Variants in PTPRT observed in about 807,000 individuals in gnomAD.
PTPRT encodes the protein protein tyrosine phosphatase receptor type T.
Under a neutral mutation model 176.8 loss-of-function variants are expected in PTPRT, and 56 were observed. The observed-to-expected ratio is 0.32, with a 90% CI of 0.26 to 0.40. The LOEUF is 0.40. Among genes scored for constraint, PTPRT ranks in the 10% least tolerant of loss-of-function variants. The pLI is 1.00. For missense variants in PTPRT, 1,540 were observed against 1,908.2 expected (o/e 0.81, Z 3.60); for synonymous variants, 783 against 739.0 (o/e 1.06, Z -0.96).
chr20:42,883,393 A>T (rs999941914), intron 2 of PTPRT, among the ~76,000 whole-genome samples: 9 of 152,030 alleles, frequency 5.9e-5, no homozygotes, highest in Non-Finnish European at 1.3e-4. Flanking sequence ...AAAAGTGGGT[A>T]AGAGAGAGAA....
chr20:42,126,332 A>G (rs577923138), intron 19 of PTPRT, among the ~76,000 whole-genome samples: 6 of 152,114 alleles, frequency 3.9e-5, no homozygotes, highest in African/African-American at 1.4e-4. Flanking sequence ...TGGGAGAGGT[A>G]CTCTTGACTC....
chr20:43,081,771 T>A (rs867811415), intron 1 of PTPRT, among the ~76,000 whole-genome samples: 5 of 152,316 alleles, frequency 3.3e-5, no homozygotes, highest in Middle Eastern at 3.4e-3. Context: ...TAGTGTTTTC[T>A]GAGTGTGGGA....
chr20:42,038,198 G>A, the PTPRT span, among the ~76,000 whole-genome samples: 1 of 152,086 alleles, frequency 6.6e-6, no homozygotes, highest in African/African-American at 2.4e-5. Flanking sequence ...GCTTTAATCC[G>A]CCCAGCAACT....
At chr20:42,924,180 A>G (rs1979339224) in intron 1 of PTPRT, among the ~76,000 whole-genome samples, 2 of 152,168 alleles carry the variant, frequency 1.3e-5, no homozygotes, top group Non-Finnish European at 1.5e-5. Context: ...AATACATGCT[A>G]TGAACTCTCA....
chr20:42,587,705 G>T (rs897852195), intron 7 of PTPRT, among the ~76,000 whole-genome samples: 1 of 152,248 alleles, frequency 6.6e-6, no homozygotes. Context: ...CTTCAAATGC[G>T]GTCACACAGG....
intron 1 of PTPRT, among the ~76,000 whole-genome samples, chr20:42,893,470 A>G (rs2079231740): frequency 2.0e-5 from 3 of 151,380 alleles, no homozygotes; most frequent in African/African-American, 7.3e-5. Context: ...TCAGGGATCT[A>G]GAACTAGAAA....
At chr20:42,340,959 T>C (rs2058102698) in intron 11 of PTPRT, among the ~76,000 whole-genome samples, 1 of 152,164 alleles carries the variant, frequency 6.6e-6, no homozygotes, top group Non-Finnish European at 1.5e-5. Flanking sequence ...AAGAACTACA[T>C]CTACTTGGAC....
At position 42,923,971 on chromosome 20, in the gene PTPRT, A is replaced by T. The variant is rs371122038; in HGVS notation, c.89-38039T>A. Among the ~76,000 whole-genome samples the T allele has an allele frequency of 3.3e-5, 5 of 152,042 alleles. No individual in the cohort carries two copies. In the East Asian group the frequency reaches 7.8e-4, roughly 24 times the overall value. On this transcript the variant is annotated intron_variant, in intron 1 of 30. Transcript: ENST00000373187. Reference sequence around the variant, plus strand: ...ACGATTCTCGTGCCTCAGCCTCCCCAGTAGCTGGGATTACAGGCATGTGCC... The same window carrying T: ...ACGATTCTCGTGCCTCAGCCTCCCCTGTAGCTGGGATTACAGGCATGTGCC...
intron 15 of PTPRT, among the ~76,000 whole-genome samples, chr20:42,229,253 G>A (rs1303549515): frequency 6.6e-6 from 1 of 152,198 alleles, no homozygotes; most frequent in African/African-American, 2.4e-5. Context: ...TGGGGGGTGA[G>A]GCTCAGGAAT....
intron 3 of PTPRT, among the ~76,000 whole-genome samples, chr20:42,790,446 A>C (rs747457973): frequency 2.0e-5 from 3 of 152,018 alleles, no homozygotes; most frequent in Non-Finnish European, 4.4e-5. Flanking sequence ...ATTGCTCCAC[A>C]ATGAGTTGAG....
intron 15 of PTPRT, among the ~76,000 whole-genome samples, chr20:42,212,186 T>C (rs2055652468): frequency 7.0e-6 from 1 of 142,652 alleles, no homozygotes; most frequent in Non-Finnish European, 1.5e-5. Flanking sequence ...TTGGGAGATA[T>C]ACCTAATGCT....
At chr20:43,051,242 C>T (rs1201881766) in intron 1 of PTPRT, among the ~76,000 whole-genome samples, 3 of 152,200 alleles carry the variant, frequency 2.0e-5, no homozygotes, top group Non-Finnish European at 4.4e-5. Flanking sequence ...CCTTCTTTTG[C>T]TAACTCCAGT....
At chr20:42,209,701 T>C (rs1480733074) in intron 15 of PTPRT, among the ~76,000 whole-genome samples, 1 of 152,176 alleles carries the variant, frequency 6.6e-6, no homozygotes, top group Admixed American at 6.5e-5. Flanking sequence ...GATTCACAGC[T>C]GAATTCTACC....
chr20:42,201,950 C>CGT (rs11468258), intron 15 of PTPRT, among the ~76,000 whole-genome samples: 3,897 of 143,170 alleles, frequency 0.027, 96 homozygotes, highest in African/African-American at 0.061. Context: ...AGAAAAGTTG[C>CGT]GTGTGTGTGT....
At chr20:42,205,479 C>T (rs993445378) in intron 15 of PTPRT, among the ~76,000 whole-genome samples, 1 of 152,124 alleles carries the variant, frequency 6.6e-6, no homozygotes, top group East Asian at 1.9e-4. Context: ...CAGCTCCCTG[C>T]TATTGGAGAA....
intron 7 of PTPRT, among the ~76,000 whole-genome samples, chr20:42,525,316 T>C (rs1396803442): frequency 6.6e-6 from 1 of 152,176 alleles, no homozygotes; most frequent in Admixed American, 6.6e-5. Flanking sequence ...GTTTTAAATA[T>C]TTTTTCCATA....
chr20:42,228,412 T>C (rs1364659914), intron 15 of PTPRT, among the ~76,000 whole-genome samples: 1 of 152,222 alleles, frequency 6.6e-6, no homozygotes, highest in Non-Finnish European at 1.5e-5. Context: ...CAATAAAGCA[T>C]CCGTTCAGTT....
intron 7 of PTPRT, among the ~76,000 whole-genome samples, chr20:42,514,646 A>G (rs74819645): frequency 6.6e-6 from 1 of 152,042 alleles, no homozygotes; most frequent in Non-Finnish European, 1.5e-5. Flanking sequence ...CTTTAAGAAG[A>G]CTCTACCTCA....
chr20:42,158,626 A>G (rs1052759605), intron 17 of PTPRT, among the ~76,000 whole-genome samples: 5 of 152,194 alleles, frequency 3.3e-5, no homozygotes, highest in Admixed American at 1.3e-4. Context: ...CCGAGATATC[A>G]CAGGAGCCTT....
Sources: gnomAD v4.1 joint callset for allele counts (sites outside exome capture counted in the v4.1 genomes callset) on GRCh38, gnomAD v4.1.1 for gene constraint, MANE v1.5 for transcripts, NCBI Gene and HGNC (gene_info 2026-07-23, HGNC 2026-07-21) for gene names.